Variants in MKLN1 observed in about 807,000 individuals in gnomAD.
The protein encoded by MKLN1 is muskelin 1.
MKLN1 carries 18 observed loss-of-function variants against 99.0 expected under a neutral mutation model. That is an observed-to-expected ratio of 0.18 (90% CI 0.13 to 0.27). The LOEUF is 0.27. MKLN1 is among the 10% of genes least tolerant of loss of function. The pLI is 1.00. For missense variants in MKLN1, 621 were observed against 875.9 expected (o/e 0.71, Z 3.67); for synonymous variants, 288 against 293.2 (o/e 0.98, Z 0.18).
intron 8 of MKLN1, among the ~76,000 whole-genome samples, chr7:131,419,219 T>C (rs1202770310): frequency 4.2e-5 from 6 of 143,500 alleles, no homozygotes; most frequent in Non-Finnish European, 9.1e-5. Flanking sequence ...ATTCATTACA[T>C]ATATATATGT....
intron 8 of MKLN1, among the ~76,000 whole-genome samples, chr7:131,427,861 C>A (rs1563342951): frequency 1.3e-5 from 2 of 152,212 alleles, no homozygotes; most frequent in African/African-American, 2.4e-5. Flanking sequence ...ATTGGAAACG[C>A]CTATTATTGC....
rs543828756 is a variant in MKLN1 at position 131,429,735 on chromosome 7, C to T, written c.960+590C>T. ...CTGGGACTACAGGCGTCCGCCACCA[C>T]GCCCAGCGAATTTTTTTTTGTATTT... On this transcript the variant is annotated intron_variant, in intron 9 of 17. Transcript: ENST00000352689. Among the ~76,000 whole-genome samples, 1,028 of 152,222 alleles carry T rather than the reference C, an allele frequency of 6.8e-3. 11 individuals carry two copies. The highest frequency in any genetic ancestry group is 0.023 in the African/African-American group (950 of 41,536).
intron 2 of MKLN1, among the ~76,000 whole-genome samples, chr7:131,146,104 C>T (rs1428882611): frequency 1.3e-5 from 2 of 152,172 alleles, no homozygotes; most frequent in Admixed American, 1.3e-4. Context: ...GCAATTTGCC[C>T]AAGGTCTTAC....
At chr7:131,380,042 G>C (rs1380080470) in intron 2 of MKLN1, among the ~76,000 whole-genome samples, 7 of 103,598 alleles carry the variant, frequency 6.8e-5, no homozygotes, top group Non-Finnish European at 1.4e-4. Context: ...GGTGTGGTAG[G>C]GTGGTAGACT....
chr7:131,115,265 C>G (rs1795257070), intron 1 of MKLN1, among the ~76,000 whole-genome samples: 2 of 152,166 alleles, frequency 1.3e-5, no homozygotes, highest in African/African-American at 4.8e-5. Flanking sequence ...ATGGCATTAC[C>G]ACCCACCAAT....
At chr7:131,250,215 G>A (rs1797556772) in intron 3 of MKLN1, among the ~76,000 whole-genome samples, 1 of 152,130 alleles carries the variant, frequency 6.6e-6, no homozygotes, top group African/African-American at 2.4e-5. Context: ...TTTGGTGGCT[G>A]GGGGGAGATG....
chr7:131,334,734 T>G (rs570301994), intron 1 of MKLN1, among the ~76,000 whole-genome samples: 2 of 152,332 alleles, frequency 1.3e-5, no homozygotes, highest in East Asian at 3.9e-4. Flanking sequence ...CAGCCACTTG[T>G]GGCAATGAGT....
chr7:131,265,670 T>TTCTCCAGGC, intron 3 of MKLN1, among the ~76,000 whole-genome samples: 1 of 152,218 alleles, frequency 6.6e-6, no homozygotes, highest in East Asian at 1.9e-4. Flanking sequence ...CCGTTCCAGG[T>TTCTCCAGGC]TCTCCAGGCT....
At chr7:131,227,455 CTT>C (rs1237378416) in intron 3 of MKLN1, among the ~76,000 whole-genome samples, 2 of 141,100 alleles carry the variant, frequency 1.4e-5, no homozygotes, top group Admixed American at 7.4e-5. Context: ...CTTTTCTCTT[CTT>C]TGTTTCTTTC....
rs550240431 is a variant in MKLN1 at position 131,492,431 on chromosome 7, C to T, written c.*4703C>T. ...ATGCAGCCTTATATATGTCTCTTCC[C>T]CTCAAGAATGTGAATTTAGGCTGGG... is the stretch of plus-strand genomic sequence containing the variant. On this transcript the variant is annotated 3_prime_UTR_variant, in exon 18 of 18. Transcript: ENST00000352689. 6.6e-6 allele frequency: 1 copy of T among 151,952 alleles called. No individual in the cohort carries two copies. Among genetic ancestry groups the T allele is most frequent in the South Asian group, 2.1e-4 (1 of 4,810 alleles). The allele number at this position is 151,952 out of a possible 1,614,324, so 9.4% of individuals were successfully genotyped here. A position where few individuals can be genotyped will look rare whatever the true frequency, so the allele number is the denominator to read the frequency against.
chr7:131,299,560 A>G (rs1798346175), intron 3 of MKLN1, among the ~76,000 whole-genome samples: 1 of 152,256 alleles, frequency 6.6e-6, no homozygotes, highest in Non-Finnish European at 1.5e-5. Context: ...AAAAAAGTGT[A>G]GCTCGCCGCC....
At chr7:131,227,696 G>T (rs1419183530) in intron 3 of MKLN1, among the ~76,000 whole-genome samples, 1 of 151,750 alleles carries the variant, frequency 6.6e-6, no homozygotes, top group Non-Finnish European at 1.5e-5. Context: ...CTCTGGAGTA[G>T]CTGGGATCAC....
At chr7:131,326,192 A>G (rs544083123), upstream of MKLN1, among the ~76,000 whole-genome samples, 4 of 152,266 alleles carry the variant, frequency 2.6e-5, no homozygotes, top group African/African-American at 9.6e-5. Context: ...GATAACCACT[A>G]TATCATCTCT....
At chr7:131,481,473 G>A (rs749466356) in intron 17 of MKLN1, among the ~76,000 whole-genome samples, 1 of 152,142 alleles carries the variant, frequency 6.6e-6, no homozygotes, top group Non-Finnish European at 1.5e-5. Context: ...AGGCCGAGGT[G>A]AGATGATCAT....
chr7:131,292,858 T>C (rs1328485944), intron 3 of MKLN1, among the ~76,000 whole-genome samples: 3 of 152,254 alleles, frequency 2.0e-5, no homozygotes, highest in African/African-American at 7.2e-5. Flanking sequence ...AAGATAGAGC[T>C]CTCCAAACGA....
At chr7:131,400,115 C>T (rs536548055) in intron 6 of MKLN1, among the ~76,000 whole-genome samples, 1 of 151,718 alleles carries the variant, frequency 6.6e-6, no homozygotes, top group African/African-American at 2.4e-5. Context: ...AATAGTTGCA[C>T]AATATAAAAC....
At chr7:131,114,865 G>A (rs1469083636) in intron 1 of MKLN1, among the ~76,000 whole-genome samples, 2 of 152,002 alleles carry the variant, frequency 1.3e-5, no homozygotes, top group Non-Finnish European at 2.9e-5. Context: ...GAACCCAGGA[G>A]GCAGAGGTTG....
intron 2 of MKLN1, among the ~76,000 whole-genome samples, chr7:131,379,456 T>G (rs187899099): frequency 6.6e-6 from 1 of 152,074 alleles, no homozygotes; most frequent in Non-Finnish European, 1.5e-5. Flanking sequence ...GTGGCAGATT[T>G]GAAAAAGAAC....
intron 1 of MKLN1, among the ~76,000 whole-genome samples, chr7:131,344,780 C>T (rs551843961): frequency 3.7e-4 from 56 of 152,218 alleles, no homozygotes; most frequent in Non-Finnish European, 7.5e-4. Context: ...AGGACCTAAT[C>T]AATTTGTCAG....
Sources: gnomAD v4.1 joint callset for allele counts (sites outside exome capture counted in the v4.1 genomes callset) on GRCh38, gnomAD v4.1.1 for gene constraint, MANE v1.5 for transcripts, NCBI Gene and HGNC (gene_info 2026-07-23, HGNC 2026-07-21) for gene names.